Variants in PTPRM observed in about 807,000 individuals in gnomAD.
PTPRM encodes the protein protein tyrosine phosphatase receptor type M, also known as receptor-type tyrosine-protein phosphatase mu.
Under a neutral mutation model 186.7 loss-of-function variants are expected in PTPRM, and 47 were observed. The observed-to-expected ratio is 0.25, with a 90% CI of 0.20 to 0.32. PTPRM has a LOEUF of 0.32. PTPRM is among the 10% of genes least tolerant of loss of function. The probability of loss-of-function intolerance (pLI) is 1.00; values close to 1 mark genes in which losing one functional copy is unlikely to be tolerated. For missense variants in PTPRM, 1,494 were observed against 1,865.0 expected (o/e 0.80, Z 3.66); for synonymous variants, 668 against 674.9 (o/e 0.99, Z 0.16).
At chr18:7,611,654 C>T (rs367549437) in intron 1 of PTPRM, among the ~76,000 whole-genome samples, 13 of 152,234 alleles carry the variant, frequency 8.5e-5, no homozygotes, top group African/African-American at 3.1e-4. Context: ...TGGGAGGAAC[C>T]TGGTGGGAGG....
At chr18:7,807,757 G>A (rs561324280) in intron 2 of PTPRM, among the ~76,000 whole-genome samples, 3 of 152,252 alleles carry the variant, frequency 2.0e-5, no homozygotes, top group African/African-American at 2.4e-5. Context: ...TGCCTGTGTC[G>A]TATTGCTGAC....
chr18:8,342,885 G>A (rs1049109220), intron 22 of PTPRM, among the ~76,000 whole-genome samples: 1 of 150,320 alleles, frequency 6.7e-6, no homozygotes, highest in Non-Finnish European at 1.5e-5. Flanking sequence ...GAGAGGAAGT[G>A]CAACTGCTTA....
intron 1 of PTPRM, among the ~76,000 whole-genome samples, chr18:7,639,872 T>A (rs2038406238): frequency 6.6e-6 from 1 of 152,226 alleles, no homozygotes; most frequent in Non-Finnish European, 1.5e-5. Flanking sequence ...ATATCTGTAT[T>A]TGAAAATTTA....
At chr18:7,663,696 A>T (rs773054800) in intron 1 of PTPRM, among the ~76,000 whole-genome samples, 1 of 152,232 alleles carries the variant, frequency 6.6e-6, no homozygotes, top group African/African-American at 2.4e-5. Context: ...TAAAAGTGCC[A>T]TTAAACATAC....
At chr18:7,765,760 G>A (rs1334234909) in intron 1 of PTPRM, among the ~76,000 whole-genome samples, 1 of 152,106 alleles carries the variant, frequency 6.6e-6, no homozygotes, top group Non-Finnish European at 1.5e-5. Flanking sequence ...CTTCTCTATT[G>A]AGAGACCCAT....
chr18:7,768,341 A>T (rs753367480), intron 1 of PTPRM, among the ~76,000 whole-genome samples: 5 of 152,034 alleles, frequency 3.3e-5, no homozygotes, highest in Admixed American at 6.5e-5. Context: ...AGGAAAAAAA[A>T]ATTTAGCTAG....
intron 13 of PTPRM, among the ~76,000 whole-genome samples, chr18:8,116,088 T>C (rs2091945741): frequency 6.6e-6 from 1 of 152,226 alleles, no homozygotes; most frequent in Non-Finnish European, 1.5e-5. Context: ...CTTATGTGTT[T>C]CATAAACTGC....
At chr18:8,185,386 G>A (rs917878043) in intron 14 of PTPRM, among the ~76,000 whole-genome samples, 5 of 152,170 alleles carry the variant, frequency 3.3e-5, no homozygotes, top group Non-Finnish European at 5.9e-5. Flanking sequence ...TTCTACACGC[G>A]TAAACTGAGA....
At chr18:7,942,296 A>G (rs1456578655) in intron 5 of PTPRM, among the ~76,000 whole-genome samples, 1 of 152,006 alleles carries the variant, frequency 6.6e-6, no homozygotes, top group African/African-American at 2.4e-5. Context: ...AAAAAAAAAA[A>G]AAATATTTAA....
chr18:8,266,640 C>T (rs1249114945), intron 19 of PTPRM, among the ~76,000 whole-genome samples: 4 of 152,136 alleles, frequency 2.6e-5, no homozygotes, highest in Non-Finnish European at 4.4e-5. Context: ...CTGGATGCCA[C>T]GGCTCATGCC....
chr18:8,162,694 C>G (rs543289683), intron 14 of PTPRM, among the ~76,000 whole-genome samples: 9 of 152,132 alleles, frequency 5.9e-5, no homozygotes, highest in Admixed American at 1.3e-4. Context: ...CCTTTTATGC[C>G]GGGTTTGAGG....
At chr18:7,701,604 T>A (rs930112708) in intron 1 of PTPRM, among the ~76,000 whole-genome samples, 12 of 151,864 alleles carry the variant, frequency 7.9e-5, no homozygotes. Flanking sequence ...TCTCAAAAAA[T>A]ATATATATAA....
At chr18:8,053,953 G>A (rs1212205734) in intron 7 of PTPRM, among the ~76,000 whole-genome samples, 1 of 152,008 alleles carries the variant, frequency 6.6e-6, no homozygotes, top group African/African-American at 2.4e-5. Context: ...TACAAAAAAT[G>A]CAGAGGAGTT....
chr18:7,569,734 C>A (rs1290169009), intron 1 of PTPRM, among the ~76,000 whole-genome samples: 1 of 152,220 alleles, frequency 6.6e-6, no homozygotes, highest in East Asian at 1.9e-4. Flanking sequence ...GTTGTACTGA[C>A]CCATGTCCTT....
At chr18:7,852,367 A>G (rs112151054) in intron 2 of PTPRM, among the ~76,000 whole-genome samples, 4,447 of 152,236 alleles carry the variant, frequency 0.029, 212 homozygotes, top group African/African-American at 0.1. Context: ...GCTAGAGGCC[A>G]GGAGTTCAAG....
At chr18:7,858,362 G>A (rs1599101158) in intron 2 of PTPRM, among the ~76,000 whole-genome samples, 3 of 152,008 alleles carry the variant, frequency 2.0e-5, no homozygotes, top group Admixed American at 1.3e-4. Flanking sequence ...TTCAAGACCA[G>A]CCTGGGCAAC....
At chr18:8,321,730 T>C (rs1273866884) in intron 22 of PTPRM, among the ~76,000 whole-genome samples, 1 of 152,206 alleles carries the variant, frequency 6.6e-6, no homozygotes, top group Non-Finnish European at 1.5e-5. Flanking sequence ...CTAACATCAC[T>C]GCTGGTGGCG....
At chr18:7,931,108 C>T (rs1482817972) in intron 5 of PTPRM, among the ~76,000 whole-genome samples, 3 of 152,076 alleles carry the variant, frequency 2.0e-5, no homozygotes, top group African/African-American at 7.2e-5. Flanking sequence ...ATATGCAATG[C>T]AGTTCTTGAA....
chr18:7,846,270 TC>T (rs34943681), intron 2 of PTPRM, among the ~76,000 whole-genome samples: 1 of 152,172 alleles, frequency 6.6e-6, no homozygotes, highest in Non-Finnish European at 1.5e-5. Flanking sequence ...TGGTGCTAGA[TC>T]CCCCATTACA....
Sources: allele counts gnomAD v4.1 joint callset (sites outside exome capture counted in the v4.1 genomes callset), GRCh38; gene constraint gnomAD v4.1.1; transcripts MANE v1.5; gene names NCBI Gene and HGNC (gene_info 2026-07-23, HGNC 2026-07-21).